PSMA1: variants seen among roughly 807,000 people sequenced by gnomAD.
PSMA1 encodes the protein proteasome 20S subunit alpha 1.
A neutral mutation model predicts 38.4 loss-of-function variants in PSMA1; 3 were observed. The observed-to-expected ratio is 0.08, with a 90% CI of 0.04 to 0.20. The LOEUF (loss-of-function observed/expected upper bound fraction) is 0.20, where lower values mean the gene tolerates loss of function less well. PSMA1 is among the 10% of genes least tolerant of loss of function. The pLI, the probability that PSMA1 is intolerant of heterozygous loss-of-function variation, is 1.00. For synonymous variants in PSMA1, 101 were observed against 107.1 expected (o/e 0.94, Z 0.35); for missense variants, 227 against 325.3 (o/e 0.70, Z 2.32).
At chr11:14,609,622 T>C (rs1852685154) in intron 2 of PSMA1, among the ~76,000 whole-genome samples, 1 of 152,122 alleles carries the variant, frequency 6.6e-6, no homozygotes. Flanking sequence ...GCCTATGTAG[T>C]GAATGATCAT....
chr11:14,614,267 T>C (rs1004084837), intron 1 of PSMA1, among the ~76,000 whole-genome samples: 12 of 152,180 alleles, frequency 7.9e-5, no homozygotes, highest in Non-Finnish European at 7.3e-5. Flanking sequence ...TGAAAAACTC[T>C]CCCCTGGTAA....
intron 2 of PSMA1, among the ~76,000 whole-genome samples, chr11:14,553,406 A>G (rs950393814): frequency 6.6e-6 from 1 of 152,166 alleles, no homozygotes; most frequent in Non-Finnish European, 1.5e-5. Context: ...TAACAACAGT[A>G]AAAGTCAAGA....
intron 1 of PSMA1, among the ~76,000 whole-genome samples, chr11:14,619,821 T>C (rs1852820298): frequency 6.6e-6 from 1 of 152,126 alleles, no homozygotes; most frequent in Non-Finnish European, 1.5e-5. Flanking sequence ...TGGGAAAAAT[T>C]TGTGCCAAAT....
intron 9 of PSMA1, chr11:14,507,455 C>T (rs1310118656): frequency 1.0e-5 from 5 of 477,226 alleles, no homozygotes; most frequent in Admixed American, 3.9e-5. Context: ...CATGAGCCAC[C>T]GCACCCGGCC....
intron 2 of PSMA1, among the ~76,000 whole-genome samples, chr11:14,526,421 G>A (rs1406672794): frequency 6.6e-6 from 1 of 152,142 alleles, no homozygotes; most frequent in African/African-American, 2.4e-5. Context: ...GCACCCTATA[G>A]CCTTTTTGTC....
chr11:14,606,570 C>A (rs1852645971), intron 2 of PSMA1, among the ~76,000 whole-genome samples: 1 of 152,078 alleles, frequency 6.6e-6, no homozygotes, highest in African/African-American at 2.4e-5. Flanking sequence ...CAAACCTTAT[C>A]AAAACTACTG....
chr11:14,559,911 G>A (rs368683174), intron 2 of PSMA1, among the ~76,000 whole-genome samples: 21 of 152,032 alleles, frequency 1.4e-4, no homozygotes, highest in African/African-American at 4.8e-4. Flanking sequence ...AGTAGGATTG[G>A]CTAGAAGAAG....
chr11:14,545,511 G>T (rs1851816544), intron 2 of PSMA1, among the ~76,000 whole-genome samples: 1 of 152,034 alleles, frequency 6.6e-6, no homozygotes, highest in Non-Finnish European at 1.5e-5. Flanking sequence ...CCCTTCCTGT[G>T]TCCATGTGTT....
intron 1 of PSMA1, among the ~76,000 whole-genome samples, chr11:14,615,341 G>A (rs1852759242): frequency 6.6e-6 from 1 of 152,218 alleles, no homozygotes; most frequent in Non-Finnish European, 1.5e-5. Context: ...CTCAGAGGTT[G>A]ACCTCTTTGG....
chr11:14,625,169 C>T (rs1423976582), intron 1 of PSMA1, among the ~76,000 whole-genome samples: 1 of 152,172 alleles, frequency 6.6e-6, no homozygotes, highest in Non-Finnish European at 1.5e-5. Context: ...GTCATTCAGC[C>T]TGGGTGTGGT....
At position 14,560,431 on chromosome 11, in the gene PSMA1, T is replaced by C. The variant is rs553780334; in HGVS notation, c.22-41390A>G. On this transcript the variant is annotated intron_variant, in intron 2 of 10. Coordinates refer to the PSMA1 transcript ENST00000418988. ...GCTTCACTCACCCTCAGCTCTGCCA[T>C]CCAGGTGGTTTACCTGGTGGGTTTC... Among the ~76,000 whole-genome samples, 42 of 152,300 alleles carry C rather than the reference T, an allele frequency of 2.8e-4. No individual in the cohort carries two copies. In the South Asian group the frequency reaches 6.2e-3, roughly 23 times the overall value.
intron 1 of PSMA1, among the ~76,000 whole-genome samples, chr11:14,621,174 T>C (rs1852839456): frequency 6.6e-6 from 1 of 152,356 alleles, no homozygotes; most frequent in South Asian, 2.1e-4. Flanking sequence ...CTAGTGGGCA[T>C]AATTGCACTC....
chr11:14,621,413 A>G (rs1231453542), intron 1 of PSMA1, among the ~76,000 whole-genome samples: 1 of 151,112 alleles, frequency 6.6e-6, no homozygotes, highest in Non-Finnish European at 1.5e-5. Flanking sequence ...ATGCGCCACC[A>G]CCCCCAGCTA....
intron 1 of PSMA1, among the ~76,000 whole-genome samples, chr11:14,618,228 T>C (rs560217346): frequency 6.6e-6 from 1 of 152,374 alleles, no homozygotes; most frequent in East Asian, 1.9e-4. Context: ...CTTTTCTAGC[T>C]TGTGATTGTA....
chr11:14,576,780 C>A (rs61883615), intron 2 of PSMA1, among the ~76,000 whole-genome samples: 1 of 152,068 alleles, frequency 6.6e-6, no homozygotes, highest in Non-Finnish European at 1.5e-5. Flanking sequence ...TTTGGTTCCA[C>A]GTGAACTTTA....
intron 1 of PSMA1, among the ~76,000 whole-genome samples, chr11:14,640,903 T>C (rs2133728863): frequency 6.6e-6 from 1 of 152,284 alleles, no homozygotes; most frequent in Admixed American, 6.5e-5. Context: ...CAGACCACTT[T>C]ATCCTGAGAA....
chr11:14,591,315 G>T (rs528160421), intron 2 of PSMA1, among the ~76,000 whole-genome samples: 1 of 152,334 alleles, frequency 6.6e-6, no homozygotes, highest in South Asian at 2.1e-4. Context: ...CAGGGCTCAG[G>T]ACCTGCAGCC....
At chr11:14,601,054 C>T (rs977913623) in intron 2 of PSMA1, among the ~76,000 whole-genome samples, 3 of 152,096 alleles carry the variant, frequency 2.0e-5, no homozygotes, top group African/African-American at 7.2e-5. Flanking sequence ...CAGTAAATAG[C>T]ATTATGTCAT....
At chr11:14,590,039 T>C (rs1181716408) in intron 2 of PSMA1, among the ~76,000 whole-genome samples, 1 of 152,224 alleles carries the variant, frequency 6.6e-6, no homozygotes, top group Non-Finnish European at 1.5e-5. Context: ...TTCTGATGCA[T>C]GCTACAACAT....
Sources: allele counts gnomAD v4.1 joint callset (sites outside exome capture counted in the v4.1 genomes callset), GRCh38; gene constraint gnomAD v4.1.1; transcripts MANE v1.5; gene names NCBI Gene and HGNC (gene_info 2026-07-23, HGNC 2026-07-21).